Variants in ADAM23 observed in about 807,000 individuals in gnomAD.
The protein encoded by ADAM23 is ADAM metallopeptidase domain 23.
A neutral mutation model predicts 120.1 loss-of-function variants in ADAM23; 33 were observed. The ratio of observed to expected loss-of-function variants is 0.27; its 90% CI spans 0.21 to 0.37. The LOEUF (loss-of-function observed/expected upper bound fraction) is 0.37. Ranked by LOEUF, ADAM23 falls within the 10% of genes least tolerant of loss-of-function variation. The pLI is 1.00. For synonymous variants in ADAM23, 367 were observed against 375.2 expected (o/e 0.98, Z 0.25); for missense variants, 862 against 1,058.2 (o/e 0.81, Z 2.57).
At position 206,448,942 on chromosome 2, in the gene ADAM23, G is replaced by C. The variant is rs148159922; in HGVS notation, c.432+3418G>C. On this transcript the variant is annotated intron_variant, in intron 2 of 25. Transcript: ENST00000264377. ...ATTTAAGGGAATTGTGGCTACCCTA[G>C]TTTATAGCTGATCTGTCAGGAGCAC... 6.4e-4 allele frequency among the ~76,000 whole-genome samples: 98 copies of C among 152,294 alleles called. 1 individual carries two copies. The South Asian group carries it at 0.018, about 28-fold the overall frequency.
At chr2:206,560,389 A>G (rs892370116) in intron 11 of ADAM23, among the ~76,000 whole-genome samples, 1 of 151,892 alleles carries the variant, frequency 6.6e-6, no homozygotes, top group Non-Finnish European at 1.5e-5. Flanking sequence ...TCCAGCCTTC[A>G]TTACTGGCAG....
chr2:206,474,011 CA>C lies in ADAM23; in HGVS notation c.433-7208del, dbSNP rs761985007. Among the ~76,000 whole-genome samples, 172 of 57,884 alleles carry C rather than the reference CA, an allele frequency of 3.0e-3. 1 individual carries two copies. Among genetic ancestry groups the C allele is most frequent in the African/African-American group, 5.9e-3 (111 of 18,678 alleles). 38.0% of individuals were successfully genotyped at this position (57,884 alleles called of 152,430 possible). ...TGGGCAACAGAGTGAGACCCTGTCT[CA>C]AAAAAAAAAAAACAAAAAAAAAAAA... On this transcript the variant is annotated intron_variant, in intron 2 of 25. Transcript: ENST00000264377.
intron 3 of ADAM23, among the ~76,000 whole-genome samples, chr2:206,521,915 C>A (rs1244427561): frequency 3.3e-5 from 5 of 152,156 alleles, no homozygotes; most frequent in Non-Finnish European, 1.5e-5. Flanking sequence ...TACTGTCATT[C>A]ATTTTTATTT....
At chr2:206,548,612 CTGTTTTCTACG>C (rs1697449568) in intron 8 of ADAM23, among the ~76,000 whole-genome samples, 1 of 152,130 alleles carries the variant, frequency 6.6e-6, no homozygotes, top group Non-Finnish European at 1.5e-5. Flanking sequence ...TGTTTTAGCT[CTGTTTTCTACG>C]TGTTTTCTGA....
intron 2 of ADAM23, among the ~76,000 whole-genome samples, chr2:206,477,923 A>ATATATATATATATATATATATAT (rs1261680065): frequency 3.3e-5 from 3 of 90,742 alleles, no homozygotes; most frequent in African/African-American, 1.4e-4. Flanking sequence ...TATATATATA[A>ATATATATATATATATATATATAT]AACAACAATG....
intron 2 of ADAM23, among the ~76,000 whole-genome samples, chr2:206,480,433 C>T (rs1695872574): frequency 6.6e-6 from 1 of 151,268 alleles, no homozygotes; most frequent in African/African-American, 2.4e-5. Flanking sequence ...CAAGGAAGTA[C>T]AGTGTAGGTG....
intron 11 of ADAM23, among the ~76,000 whole-genome samples, chr2:206,560,755 G>A (rs140159475): frequency 4.3e-4 from 65 of 152,124 alleles, no homozygotes; most frequent in African/African-American, 1.4e-3. Flanking sequence ...CACCATTACC[G>A]TTGACTTCCT....
chr2:206,538,579 A>G (rs1483942439), intron 4 of ADAM23, among the ~76,000 whole-genome samples: 2 of 152,220 alleles, frequency 1.3e-5, no homozygotes, highest in East Asian at 1.9e-4. Flanking sequence ...ATATCAGTGT[A>G]TGGTCACTAT....
chr2:206,529,693 A>AC (rs138647874), intron 3 of ADAM23, among the ~76,000 whole-genome samples: 146 of 152,150 alleles, frequency 9.6e-4, no homozygotes, highest in Non-Finnish European at 1.5e-3. Context: ...ACTGTGCCTG[A>AC]CCCCTTACCC....
At chr2:206,447,783 A>G (rs960820505) in intron 2 of ADAM23, among the ~76,000 whole-genome samples, 13 of 152,176 alleles carry the variant, frequency 8.5e-5, no homozygotes, top group African/African-American at 3.1e-4. Context: ...ATTTCATTGC[A>G]CTGAAGCACA....
intron 25 of ADAM23, among the ~76,000 whole-genome samples, chr2:206,616,759 T>C (rs1410871794): frequency 1.3e-5 from 2 of 152,060 alleles, no homozygotes; most frequent in Non-Finnish European, 1.5e-5. Context: ...GCAGACTAAA[T>C]GCATGAGCCC....
chr2:206,612,573 C>G (rs1370789715), intron 25 of ADAM23, among the ~76,000 whole-genome samples: 1 of 152,134 alleles, frequency 6.6e-6, no homozygotes, highest in African/African-American at 2.4e-5. Context: ...AATACAGTAA[C>G]TACTCAGGGA....
At chr2:206,597,262 C>T (rs1698546945) in intron 24 of ADAM23, among the ~76,000 whole-genome samples, 1 of 150,558 alleles carries the variant, frequency 6.6e-6, no homozygotes, top group African/African-American at 2.5e-5. Flanking sequence ...TCATCGTAAC[C>T]TCTGCTGCCT....
chr2:206,595,924 A>C, intron 23 of ADAM23, 127 bp from the exon 24 acceptor site: 1 of 676,382 alleles, frequency 1.5e-6, no homozygotes, highest in South Asian at 2.1e-5. Flanking sequence ...AGACCATGGG[A>C]AACTTTAAAA....
intron 22 of ADAM23, among the ~76,000 whole-genome samples, chr2:206,593,002 T>C (rs971035713): frequency 2.0e-5 from 3 of 152,348 alleles, no homozygotes; most frequent in Admixed American, 2.0e-4. Flanking sequence ...AGTAGAATTA[T>C]GGTGTTCATT....
chr2:206,447,723 G>A (rs1947200), intron 2 of ADAM23, among the ~76,000 whole-genome samples: 1 of 152,054 alleles, frequency 6.6e-6, no homozygotes, highest in East Asian at 1.9e-4. Context: ...CTGCTTTTAT[G>A]TAAAGAAGTT....
intron 2 of ADAM23, among the ~76,000 whole-genome samples, chr2:206,453,159 C>G (rs569705587): frequency 3.9e-5 from 6 of 152,278 alleles, no homozygotes; most frequent in Admixed American, 2.6e-4. Flanking sequence ...CTTTTCCAGG[C>G]CTGTTTACCC....
intron 3 of ADAM23, among the ~76,000 whole-genome samples, chr2:206,529,240 G>A (rs772864805): frequency 1.7e-4 from 26 of 152,012 alleles, no homozygotes; most frequent in Non-Finnish European, 3.5e-4. Flanking sequence ...CATATTCATG[G>A]TTTCCTTTAA....
chr2:206,499,676 A>C (rs144598853), intron 3 of ADAM23, among the ~76,000 whole-genome samples: 6 of 152,112 alleles, frequency 3.9e-5, no homozygotes, highest in African/African-American at 9.7e-5. Flanking sequence ...AAAAATTTAC[A>C]TGTGATCTTA....
Sources: gnomAD v4.1 joint callset for allele counts (sites outside exome capture counted in the v4.1 genomes callset) on GRCh38, gnomAD v4.1.1 for gene constraint, MANE v1.5 for transcripts, NCBI Gene and HGNC (gene_info 2026-07-23, HGNC 2026-07-21) for gene names.